PDLIM5: variants seen among roughly 807,000 people sequenced by gnomAD.
PDLIM5 encodes the protein PDZ and LIM domain 5.
Under a neutral mutation model 64.2 loss-of-function variants are expected in PDLIM5, and 34 were observed. That is an observed-to-expected ratio of 0.53 (90% CI 0.40 to 0.71). The LOEUF is 0.71. Among genes scored for constraint, PDLIM5 ranks in the 30% least tolerant of loss-of-function variants. The probability of loss-of-function intolerance (pLI) is 0.00; values close to 1 mark genes in which losing one functional copy is unlikely to be tolerated. For missense variants in PDLIM5, 683 were observed against 733.6 expected (o/e 0.93, Z 0.80); for synonymous variants, 253 against 269.1 (o/e 0.94, Z 0.59).
intron 1 of PDLIM5, among the ~76,000 whole-genome samples, chr4:94,453,839 A>G (rs1463022403): frequency 6.6e-6 from 1 of 152,086 alleles, no homozygotes; most frequent in Non-Finnish European, 1.5e-5. Context: ...CTCTGTGCCT[A>G]TTACTTCATT....
At chr4:94,499,314 TG>T (rs1427126244) in intron 2 of PDLIM5, among the ~76,000 whole-genome samples, 1 of 152,050 alleles carries the variant, frequency 6.6e-6, no homozygotes, top group Non-Finnish European at 1.5e-5. Flanking sequence ...ACCCCTTTCT[TG>T]GAAATAAATG....
At chr4:94,556,609 G>A (rs1327891361) in intron 3 of PDLIM5, among the ~76,000 whole-genome samples, 2 of 152,194 alleles carry the variant, frequency 1.3e-5, no homozygotes, top group Non-Finnish European at 2.9e-5. Flanking sequence ...TAATTGGTGT[G>A]AGATGATATC....
chr4:94,508,892 C>T (rs1011810595), intron 2 of PDLIM5, among the ~76,000 whole-genome samples: 1 of 152,164 alleles, frequency 6.6e-6, no homozygotes, highest in Non-Finnish European at 1.5e-5. Flanking sequence ...GCTGTAGACA[C>T]CTTTAATTGC....
At chr4:94,523,925 G>GTGTTTT (rs754210517) in intron 3 of PDLIM5, 50 bp downstream of exon 3, 2 of 1,376,886 alleles carry the variant, frequency 1.5e-6, no homozygotes, top group Admixed American at 3.6e-5. Context: ...ATTGAGGAAT[G>GTGTTTT]TGTTTTTGTG....
chr4:94,624,839 T>A (rs906747270), intron 8 of PDLIM5, among the ~76,000 whole-genome samples: 2 of 152,182 alleles, frequency 1.3e-5, no homozygotes, highest in African/African-American at 4.8e-5. Flanking sequence ...TGTAAGAGTG[T>A]GGACTTGATG....
chr4:94,616,051 A>C (rs1216592991), intron 7 of PDLIM5, among the ~76,000 whole-genome samples: 1 of 152,156 alleles, frequency 6.6e-6, no homozygotes, highest in Non-Finnish European at 1.5e-5. Context: ...ATTCTTTCAG[A>C]TGACTACACA....
intron 3 of PDLIM5, among the ~76,000 whole-genome samples, chr4:94,529,629 A>G (rs1730679410): frequency 1.3e-5 from 2 of 152,220 alleles, no homozygotes; most frequent in South Asian, 4.1e-4. Flanking sequence ...CATATAATAA[A>G]GCAAACACAT....
chr4:94,500,288 C>A (rs916651799), intron 2 of PDLIM5, among the ~76,000 whole-genome samples: 1 of 152,132 alleles, frequency 6.6e-6, no homozygotes, highest in Non-Finnish European at 1.5e-5. Flanking sequence ...GCAAAAGCAA[C>A]CCCTTTCAGA....
At chr4:94,558,173 T>G (rs1733524897) in intron 3 of PDLIM5, among the ~76,000 whole-genome samples, 1 of 152,222 alleles carries the variant, frequency 6.6e-6, no homozygotes, top group Admixed American at 6.5e-5. Flanking sequence ...ATCTTGTGGT[T>G]TTTGTCTTTG....
chr4:94,586,169 A>AAAATAAATAAAT (rs150917165), intron 6 of PDLIM5, among the ~76,000 whole-genome samples: 1 of 151,548 alleles, frequency 6.6e-6, no homozygotes, highest in Non-Finnish European at 1.5e-5. Context: ...CTCTGTCTCA[A>AAAATAAATAAAT]AAATAAATAA....
At chr4:94,493,599 C>T (rs1727067946) in intron 2 of PDLIM5, among the ~76,000 whole-genome samples, 1 of 152,072 alleles carries the variant, frequency 6.6e-6, no homozygotes, top group African/African-American at 2.4e-5. Flanking sequence ...AAACTCTATA[C>T]CATAAAGATG....
intron 3 of PDLIM5, among the ~76,000 whole-genome samples, chr4:94,532,420 T>C (rs775138323): frequency 6.6e-6 from 1 of 152,208 alleles, no homozygotes. Context: ...CCTAAGCTTC[T>C]ACAGCCCTTG....
At chr4:94,647,505 G>T (rs1487742447) in intron 9 of PDLIM5, among the ~76,000 whole-genome samples, 1 of 152,100 alleles carries the variant, frequency 6.6e-6, no homozygotes, top group Non-Finnish European at 1.5e-5. Context: ...AATAAAAACT[G>T]TCAGAATGGA....
chr4:94,571,735 A>T (rs922620483), intron 3 of PDLIM5, among the ~76,000 whole-genome samples: 1 of 152,202 alleles, frequency 6.6e-6, no homozygotes, highest in African/African-American at 2.4e-5. Context: ...AAAGATGCTC[A>T]ATATTTGTCG....
chr4:94,635,779 G>A (rs1740511489), intron 8 of PDLIM5, among the ~76,000 whole-genome samples: 1 of 152,192 alleles, frequency 6.6e-6, no homozygotes, highest in South Asian at 2.1e-4. Flanking sequence ...CTCAAAGGTT[G>A]CCCATTCCTG....
At chr4:94,452,334 G>A (rs1467137283) in intron 1 of PDLIM5, among the ~76,000 whole-genome samples, 1 of 152,160 alleles carries the variant, frequency 6.6e-6, no homozygotes, top group Non-Finnish European at 1.5e-5. Context: ...CGGCAGGGAC[G>A]GGCACTGCCG....
chr4:94,637,969 A>C (rs936376644), intron 8 of PDLIM5, among the ~76,000 whole-genome samples: 5 of 152,156 alleles, frequency 3.3e-5, no homozygotes, highest in Non-Finnish European at 7.3e-5. Context: ...TTTCTATGAA[A>C]CAGTTGTTAG....
At chr4:94,567,214 C>G (rs758041379) in intron 3 of PDLIM5, among the ~76,000 whole-genome samples, 5 of 152,162 alleles carry the variant, frequency 3.3e-5, no homozygotes, top group Admixed American at 6.5e-5. Flanking sequence ...AGGATGATCT[C>G]GATCTCCTGA....
At chr4:94,639,684 C>T (rs192325051) in intron 8 of PDLIM5, among the ~76,000 whole-genome samples, 4 of 152,244 alleles carry the variant, frequency 2.6e-5, no homozygotes, top group African/African-American at 7.2e-5. Context: ...ATTTTTAATA[C>T]ATCTATGACT....
Sources: allele counts gnomAD v4.1 joint callset (sites outside exome capture counted in the v4.1 genomes callset), GRCh38; gene constraint gnomAD v4.1.1; transcripts MANE v1.5; gene names NCBI Gene and HGNC (gene_info 2026-07-23, HGNC 2026-07-21).